Variants in ATAD2B observed in about 807,000 individuals in gnomAD.
ATAD2B encodes the protein ATPase family AAA domain-containing protein 2B.
In ATAD2B, 40 loss-of-function variants were observed where a neutral mutation model predicts 167.6. The ratio of observed to expected loss-of-function variants is 0.24; its 90% CI spans 0.19 to 0.31. The LOEUF is 0.31. ATAD2B is among the 10% of genes least tolerant of loss of function. The probability of loss-of-function intolerance (pLI) is 1.00; values close to 1 mark genes in which losing one functional copy is unlikely to be tolerated. For synonymous variants in ATAD2B, 579 were observed against 596.5 expected, an observed-to-expected ratio of 0.97 and a Z score of 0.43; for missense variants, 1,242 against 1,757.2, an observed-to-expected ratio of 0.71 and a Z score of 5.24.
chr2:23,836,584 C>A (rs1030256698), intron 13 of ATAD2B, among the ~76,000 whole-genome samples: 2 of 152,116 alleles, frequency 1.3e-5, no homozygotes, highest in Non-Finnish European at 2.9e-5. Context: ...GTGAGCAAGG[C>A]GAAGAAGAGC....
intron 24 of ATAD2B, among the ~76,000 whole-genome samples, chr2:23,760,071 A>G (rs1676456693): frequency 6.6e-6 from 1 of 152,206 alleles, no homozygotes; most frequent in Non-Finnish European, 1.5e-5. Flanking sequence ...CACCTCAACT[A>G]CCTGACATGC....
intron 25 of ATAD2B, 82 bp downstream of exon 25, chr2:23,757,336 A>T: frequency 9.7e-7 from 1 of 1,036,192 alleles, no homozygotes; most frequent in Middle Eastern, 2.2e-4. Context: ...ATCAACTATT[A>T]CTACTGGGAA....
chr2:23,777,376 A>ATCTATATCTATATCTATT (rs1679322329), intron 22 of ATAD2B, among the ~76,000 whole-genome samples: 1 of 151,870 alleles, frequency 6.6e-6, no homozygotes, highest in South Asian at 2.1e-4. Context: ...CTATATCTAT[A>ATCTATATCTATATCTATT]TCTATATCTA....
intron 8 of ATAD2B, among the ~76,000 whole-genome samples, chr2:23,871,109 C>CAAA (rs11389544): frequency 1.4e-5 from 2 of 142,118 alleles, no homozygotes. Context: ...TAGTAATTTG[C>CAAA]AAAAAAAAAA....
chr2:23,732,020 A>G, the ATAD2B span, among the ~76,000 whole-genome samples: 1 of 151,798 alleles, frequency 6.6e-6, no homozygotes, highest in Non-Finnish European at 1.5e-5. Flanking sequence ...ATTTCATATT[A>G]TTTTTTGTAA....
At chr2:23,892,260 T>C (rs1699619011) in intron 2 of ATAD2B, among the ~76,000 whole-genome samples, 1 of 152,056 alleles carries the variant, frequency 6.6e-6, no homozygotes, top group Non-Finnish European at 1.5e-5. Flanking sequence ...GCCTCCCTGG[T>C]TCACGCCATT....
the ATAD2B span, chr2:23,693,363 G>A: frequency 2.2e-4 from 346 of 1,551,690 alleles, no homozygotes; most frequent in African/African-American, 2.5e-3. Context: ...AGGCCTTCGC[G>A]CTGCAGATCT....
the ATAD2B span, chr2:23,684,339 A>AT: frequency 2.4e-6 from 3 of 1,251,844 alleles, no homozygotes; most frequent in South Asian, 5.0e-5. The surrounding 1 kb of genome is among the most constrained non-coding windows in gnomAD (Gnocchi z 4.4). Context: ...ACTTTTTTTA[A>AT]TTAAAAAAAA....
chr2:23,851,297 C>T (rs1292131515), intron 13 of ATAD2B, among the ~76,000 whole-genome samples: 3 of 152,232 alleles, frequency 2.0e-5, no homozygotes, highest in South Asian at 4.1e-4. Context: ...AGGCACACCA[C>T]ACCCAACTAA....
At chr2:23,694,114 G>A in the ATAD2B span, among the ~76,000 whole-genome samples, 1 of 152,220 alleles carries the variant, frequency 6.6e-6, no homozygotes, top group Non-Finnish European at 1.5e-5. Context: ...TGTGTCTCAG[G>A]CTGAAACCCT....
intron 1 of ATAD2B, among the ~76,000 whole-genome samples, chr2:23,904,457 G>A (rs939730458): frequency 6.6e-6 from 1 of 151,502 alleles, no homozygotes; most frequent in African/African-American, 2.4e-5. Context: ...TACAGGTGAT[G>A]ACTACAGAGC....
chr2:23,899,717 A>G (rs112141522), intron 1 of ATAD2B, among the ~76,000 whole-genome samples: 1 of 151,888 alleles, frequency 6.6e-6, no homozygotes, highest in Non-Finnish European at 1.5e-5. Flanking sequence ...CAGCCTCCTG[A>G]GTAGCTGAGA....
chr2:23,862,283 G>GT (rs1694499471), intron 12 of ATAD2B, among the ~76,000 whole-genome samples: 1 of 151,680 alleles, frequency 6.6e-6, no homozygotes. Context: ...AAAGCTTGAA[G>GT]TTATTTTTTA....
chr2:23,695,661 C>T, the ATAD2B span: 1 of 1,551,580 alleles, frequency 6.4e-7, no homozygotes, highest in Non-Finnish European at 8.7e-7. The surrounding 1 kb of genome is among the most constrained non-coding windows in gnomAD (Gnocchi z 7.6). Flanking sequence ...GCCTCCCCTT[C>T]ATCCACCCCA....
chr2:23,693,313 G>A, the ATAD2B span: 1 of 1,549,702 alleles, frequency 6.5e-7, no homozygotes, highest in Non-Finnish European at 8.7e-7. Context: ...GCTGGCCATG[G>A]CCGAGGCCAT....
chr2:23,809,165 C>T (rs1400478362), intron 18 of ATAD2B: 3 of 152,002 alleles, frequency 2.0e-5, no homozygotes, highest in Non-Finnish European at 2.9e-5. Context: ...ATACAACCTG[C>T]AGTAATTTTG....
At chr2:23,694,488 C>A in the ATAD2B span, among the ~76,000 whole-genome samples, 910 of 152,316 alleles carry the variant, frequency 6.0e-3, 1 homozygote, top group Non-Finnish European at 9.6e-3. Flanking sequence ...TAAAAGCACA[C>A]TGAACATCTC....
the ATAD2B span, among the ~76,000 whole-genome samples, chr2:23,698,618 T>C: frequency 6.6e-6 from 1 of 152,330 alleles, no homozygotes; most frequent in Admixed American, 6.5e-5. Context: ...TATATAATTA[T>C]AGATTAAGAC....
chr2:23,920,322 C>G (rs1203540793), intron 1 of ATAD2B, among the ~76,000 whole-genome samples: 5 of 152,174 alleles, frequency 3.3e-5, no homozygotes, highest in African/African-American at 4.8e-5. Flanking sequence ...ACTAAGTATC[C>G]ATGCCATTCA....
Sources: allele counts gnomAD v4.1 joint callset (sites outside exome capture counted in the v4.1 genomes callset), GRCh38; gene constraint gnomAD v4.1.1; non-coding constraint Gnocchi (gnomAD v3.1); transcripts MANE v1.5; gene names NCBI Gene and HGNC (gene_info 2026-07-23, HGNC 2026-07-21).